The following LAMA3 variants were observed in gnomAD, a reference collection of about 807,000 sequenced individuals.
LAMA3 encodes the protein laminin subunit alpha-3.
A neutral mutation model predicts 402.0 loss-of-function variants in LAMA3; 281 were observed. The ratio of observed to expected loss-of-function variants is 0.70; its 90% CI spans 0.63 to 0.77. The LOEUF (loss-of-function observed/expected upper bound fraction) is 0.77. LAMA3 is among the 30% of genes least tolerant of loss of function. The probability of loss-of-function intolerance (pLI) is 0.00; values close to 1 mark genes in which losing one functional copy is unlikely to be tolerated. For synonymous variants in LAMA3, 1,431 were observed against 1,558.4 expected, an observed-to-expected ratio of 0.92 and a Z score of 1.93; for missense variants, 3,840 against 4,215.5, an observed-to-expected ratio of 0.91 and a Z score of 2.47.
At chr18:23,745,318 T>C (rs1237845719) in intron 2 of LAMA3, among the ~76,000 whole-genome samples, 3 of 152,170 alleles carry the variant, frequency 2.0e-5, no homozygotes, top group African/African-American at 7.2e-5. Flanking sequence ...GGCTCCCTTC[T>C]GAGCCACTGA....
chr18:23,858,128 A>T (rs2064128910), intron 33 of LAMA3, 140 bp downstream of exon 33: 2 of 1,061,664 alleles, frequency 1.9e-6, no homozygotes, highest in African/African-American at 3.1e-5. Context: ...TTTTATAGTC[A>T]CGATCTCATT....
Position 23,783,897 on chromosome 18 carries a change from A to G in LAMA3, c.1469-126A>G, listed in dbSNP as rs2062487508. On this transcript the variant is annotated intron_variant, in intron 11 of 74. Coordinates refer to ENST00000313654, the MANE Select transcript of LAMA3 (RefSeq NM_198129.4). ...TCAACGCAGTGTAGTCTTCTGCGTT[A>G]AGAATGTTTAACAGCCATAGATAAT... The G allele has an allele frequency of 3.2e-6, 4 of 1,265,604 alleles. No homozygotes were observed. The Admixed American group carries it at 5.1e-5, about 16-fold the overall frequency. The allele number at this position is 1,265,604 out of a possible 1,614,324, so 78.4% of individuals were successfully genotyped here. A position where few individuals can be genotyped will look rare whatever the true frequency, so the allele number is the denominator to read the frequency against.
intron 7 of LAMA3, among the ~76,000 whole-genome samples, chr18:23,760,325 T>C (rs2061943009): frequency 1.3e-5 from 2 of 152,112 alleles, no homozygotes; most frequent in Non-Finnish European, 2.9e-5. Flanking sequence ...ACTGATGTAG[T>C]AAATATAAAT....
chr18:23,910,528 C>G (rs984400670), intron 55 of LAMA3, among the ~76,000 whole-genome samples: 2 of 152,192 alleles, frequency 1.3e-5, no homozygotes, highest in African/African-American at 4.8e-5. Context: ...TCAGGCTGCT[C>G]TCCAGCCACT....
At chr18:23,723,717 T>A (rs367759672) in intron 2 of LAMA3, among the ~76,000 whole-genome samples, 1 of 152,066 alleles carries the variant, frequency 6.6e-6, no homozygotes, top group Non-Finnish European at 1.5e-5. Flanking sequence ...CTAACGAATG[T>A]CTCGGGGTCA....
At chr18:23,858,575 G>T (rs780191571) in intron 33 of LAMA3, 114 bp from the exon 34 acceptor site, 1 of 947,614 alleles carries the variant, frequency 1.1e-6, no homozygotes, top group South Asian at 1.3e-5. Context: ...TTAATGTTTT[G>T]CTCACATCCT....
chr18:23,702,497 T>G lies in LAMA3; in HGVS notation c.295-11423T>G, dbSNP rs574978260. The stretch of plus-strand genomic sequence containing the variant: ...CACCACCATGCCCGGCTAATTTTTT[T>G]TGTGTGTGTGTGGAGAAGGGGGTGT... On this transcript the variant is annotated intron_variant, in intron 1 of 74. Coordinates refer to ENST00000313654, the MANE Select transcript of LAMA3 (RefSeq NM_198129.4). Among the ~76,000 whole-genome samples the G allele has an allele frequency of 3.0e-3, 460 of 152,194 alleles. 1 individual carries two copies. Among genetic ancestry groups the G allele is most frequent in the Middle Eastern group, 6.8e-3 (2 of 294 alleles).
Position 23,840,000 on chromosome 18 carries a change from G to A in LAMA3, c.3336+71G>A. The A allele has an allele frequency of 6.5e-7, 1 of 1,536,016 alleles. No homozygotes were observed. Among genetic ancestry groups the A allele is most frequent in the South Asian group, 1.1e-5 (1 of 89,016 alleles). ...GAAGCAGCAGCATCCACATCACTTG[G>A]AAACTTGTCAGCAATGCAGATTCAC... On this transcript the variant is annotated intron_variant, in intron 27 of 74. Coordinates refer to ENST00000313654, the MANE Select transcript of LAMA3 (RefSeq NM_198129.4). This position sits in a 1 kb window ranked among gnomAD's most constrained non-coding sequence, Gnocchi z 4.5.
At chr18:23,776,227 T>G (rs761713766) in intron 10 of LAMA3, among the ~76,000 whole-genome samples, 1 of 152,172 alleles carries the variant, frequency 6.6e-6, no homozygotes, top group Non-Finnish European at 1.5e-5. Flanking sequence ...TCCTCCTAAA[T>G]GTAGGAGAAA....
At chr18:23,921,844 A>G (rs909396477) in intron 62 of LAMA3, among the ~76,000 whole-genome samples, 4 of 152,214 alleles carry the variant, frequency 2.6e-5, no homozygotes, top group East Asian at 1.9e-4. Context: ...CACGAAGGGT[A>G]TAGTTGGGTT....
At chr18:23,741,867 C>T (rs1412687439) in intron 2 of LAMA3, among the ~76,000 whole-genome samples, 1 of 152,116 alleles carries the variant, frequency 6.6e-6, no homozygotes, top group African/African-American at 2.4e-5. Flanking sequence ...AATGCCCCAC[C>T]TGACAGCACT....
chr18:23,872,897 A>T, intron 38 of LAMA3: 1 of 824,190 alleles, frequency 1.2e-6, no homozygotes, highest in Non-Finnish European at 2.0e-6. Flanking sequence ...GCACAGGCTG[A>T]CTCATGTGTG....
Position 23,933,855 on chromosome 18 carries a change from A to C in LAMA3, c.8782A>C (p.Ser2928Arg). ...LKRDVSLGGCSLNKPPFLMLL... is the reference protein window; with the variant it reads ...LKRDVSLGGCRLNKPPFLMLL... ...GAGAGATGTGTCCCTGGGAGGCTGC[A>C]GTTTAAACAAACCACCTTTTCTAAT... is the stretch of plus-strand genomic sequence containing the variant. Residue 2928 changes from serine (S) to arginine (R), a missense_variant, in exon 67 of 75, where the codon AGT (serine) becomes CGT (arginine). This residue lies in a region of LAMA3 where 840 missense variants were observed against 981.9 expected (regional missense o/e 0.86). Transcript: ENST00000313654. 1 of 1,614,074 alleles carries C rather than the reference A, an allele frequency of 6.2e-7. No individual in the cohort carries two copies. Among genetic ancestry groups the C allele is most frequent in the South Asian group, 1.1e-5 (1 of 91,080 alleles).
At chr18:23,827,539 C>A in intron 23 of LAMA3, 72 bp downstream of exon 23, 1 of 1,513,262 alleles carries the variant, frequency 6.6e-7, no homozygotes, top group Non-Finnish European at 9.0e-7. Flanking sequence ...AATACTTGGC[C>A]ACAGTTGCTT....
chr18:23,756,439 G>A (rs1056815637), intron 6 of LAMA3, among the ~76,000 whole-genome samples: 1 of 38,772 alleles, frequency 2.6e-5, no homozygotes, highest in Non-Finnish European at 5.4e-5. Context: ...CACCCCCGCC[G>A]CTTCCCCCGC....
chr18:23,695,703 CAGG>C (rs1266589948), intron 1 of LAMA3, among the ~76,000 whole-genome samples: 1 of 135,746 alleles, frequency 7.4e-6, no homozygotes, highest in African/African-American at 2.7e-5. Flanking sequence ...GAGGCTGAAG[CAGG>C]AGAATTGCTT....
At chr18:23,835,994 A>T (rs1009733282) in intron 24 of LAMA3, among the ~76,000 whole-genome samples, 6 of 152,178 alleles carry the variant, frequency 3.9e-5, no homozygotes, top group African/African-American at 1.4e-4. Context: ...TATTACTGTT[A>T]GGCTATTTCT....
At position 23,879,200 on chromosome 18, in the gene LAMA3, G is replaced by A. The variant is rs778294565; in HGVS notation, c.5113-2736G>A. The stretch of plus-strand genomic sequence containing the variant: ...TGGTGCTCCTCTGAGGCTCACAGAC[G>A]GAAGGAAGCCCACGACCCTTAGCAC... On this transcript the variant is annotated intron_variant, in intron 39 of 74. Coordinates refer to ENST00000313654, the MANE Select transcript of LAMA3 (RefSeq NM_198129.4). The surrounding 1 kb of genome is among the most constrained non-coding windows in gnomAD (Gnocchi z 4.2). 2.6e-5 allele frequency among the ~76,000 whole-genome samples: 4 copies of A among 152,152 alleles called. No homozygotes were observed. The highest frequency in any genetic ancestry group is 5.9e-5 in the Non-Finnish European group (4 of 68,040).
chr18:23,832,374 C>T (rs1377929364), intron 23 of LAMA3, among the ~76,000 whole-genome samples: 1 of 151,798 alleles, frequency 6.6e-6, no homozygotes, highest in African/African-American at 2.4e-5. Flanking sequence ...ATCTTTCTGT[C>T]ATTTAAGTGA....
Sources: gnomAD v4.1 joint callset for allele counts (sites outside exome capture counted in the v4.1 genomes callset) on GRCh38, gnomAD v4.1.1 for gene constraint, gnomAD v4.1.1 regional missense constraint, Gnocchi (gnomAD v3.1) non-coding constraint, MANE v1.5 for transcripts, NCBI Gene and HGNC (gene_info 2026-07-23, HGNC 2026-07-21) for gene names.